Variants in SMC1B observed in about 807,000 individuals in gnomAD.
SMC1B encodes the protein structural maintenance of chromosomes 1B.
A neutral mutation model predicts 157.9 loss-of-function variants in SMC1B; 60 were observed. The observed-to-expected ratio is 0.38, with a 90% CI of 0.31 to 0.47. SMC1B has a LOEUF of 0.47. Ranked by LOEUF, SMC1B falls within the 20% of genes least tolerant of loss-of-function variation. The probability of loss-of-function intolerance (pLI) is 0.99; values close to 1 mark genes in which losing one functional copy is unlikely to be tolerated. For missense variants in SMC1B, 1,165 were observed against 1,426.2 expected, an observed-to-expected ratio of 0.82 and a Z score of 2.95; for synonymous variants, 445 against 483.0, an observed-to-expected ratio of 0.92 and a Z score of 1.03.
chr22:45,412,647 C>T (rs2087357121), intron 1 of SMC1B, among the ~76,000 whole-genome samples: 1 of 151,934 alleles, frequency 6.6e-6, no homozygotes, highest in East Asian at 1.9e-4. Flanking sequence ...GTTGGGATTA[C>T]AGGCGTGTGC....
intron 15 of SMC1B, 117 bp downstream of exon 15, chr22:45,369,837 C>T: frequency 1.5e-6 from 1 of 660,510 alleles, no homozygotes; most frequent in Non-Finnish European, 2.5e-6. Flanking sequence ...AGCCACCGTG[C>T]CCGGCCTAGC....
intron 6 of SMC1B, 77 bp downstream of exon 6, chr22:45,399,018 T>G: frequency 1.4e-6 from 2 of 1,392,906 alleles, no homozygotes; most frequent in South Asian, 2.7e-5. Flanking sequence ...AGAGAGGTCA[T>G]CTTTTAAATT....
At chr22:45,404,020 CA>C (rs2087228372) in intron 4 of SMC1B, among the ~76,000 whole-genome samples, 1 of 152,186 alleles carries the variant, frequency 6.6e-6, no homozygotes, top group South Asian at 2.1e-4. Flanking sequence ...CGGCTCACTG[CA>C]ACCTCTGCCT....
intron 4 of SMC1B, among the ~76,000 whole-genome samples, chr22:45,405,525 C>T (rs1448222359): frequency 6.6e-6 from 1 of 151,078 alleles, no homozygotes; most frequent in Non-Finnish European, 1.5e-5. Context: ...GCACTCCAGC[C>T]TGGGGAAAAA....
At chr22:45,359,556 C>T (rs2086701058) in intron 18 of SMC1B, among the ~76,000 whole-genome samples, 1 of 152,152 alleles carries the variant, frequency 6.6e-6, no homozygotes, top group Admixed American at 6.5e-5. Context: ...GCTCATTGTG[C>T]AAAAACATTC....
chr22:45,403,679 G>A (rs1014190254), intron 4 of SMC1B, among the ~76,000 whole-genome samples: 2 of 152,066 alleles, frequency 1.3e-5, no homozygotes, highest in African/African-American at 4.8e-5. Context: ...GGCTAGTCTC[G>A]AACTCCTGGG....
Position 45,352,482 on chromosome 22 carries a change from C to T in SMC1B, c.3394G>A (p.Ala1132Thr). ...ACAGCAAACAGGAGAGCCAAGGCTG[C>T]CACACACTTTTCTCCCCCTGACAAA... is the stretch of plus-strand genomic sequence containing the variant. The part of the protein sequence containing the change: ...DNLSGGEKCV[A>T]ALALLFAVHS... Residue 1132 changes from alanine to threonine, a missense_variant, in exon 22 of 25, where the codon GCA (alanine) becomes ACA (threonine). Physicochemically the swap from Ala to Thr is moderately conservative, Grantham distance 58 (BLOSUM62 0). Transcript: ENST00000357450. The T allele has an allele frequency of 6.2e-7, 1 of 1,613,990 alleles. No individual in the cohort carries two copies. Among genetic ancestry groups the T allele is most frequent in the Non-Finnish European group, 8.5e-7 (1 of 1,179,914 alleles).
chr22:45,409,585 TA>T (rs2087305256), intron 1 of SMC1B, among the ~76,000 whole-genome samples: 2 of 77,430 alleles, frequency 2.6e-5, no homozygotes, highest in Admixed American at 1.3e-4. Context: ...AATAAATAAA[TA>T]AATAAATAAA....
At chr22:45,373,818 T>G (rs1350751124) in intron 12 of SMC1B, among the ~76,000 whole-genome samples, 1 of 152,166 alleles carries the variant, frequency 6.6e-6, no homozygotes, top group East Asian at 1.9e-4. Context: ...GGTAAATGAT[T>G]AAAATAATTA....
At chr22:45,353,921 C>A (rs9614652) in intron 21 of SMC1B, 57 bp downstream of exon 21, 227,716 of 392,884 alleles carry the variant, frequency 0.58, 47,674 homozygotes, top group Non-Finnish European at 0.61. Context: ...AAAAAAAAAA[C>A]AACCACCACC....
chr22:45,364,858 G>A (rs1198652915), intron 15 of SMC1B, among the ~76,000 whole-genome samples: 2 of 99,630 alleles, frequency 2.0e-5, no homozygotes, highest in South Asian at 3.6e-4. Flanking sequence ...TTTTTTTTGA[G>A]ATGGAGTCTC....
chr22:45,371,382 T>C (rs895308464), intron 14 of SMC1B, 89 bp downstream of exon 14: 25 of 1,407,344 alleles, frequency 1.8e-5, no homozygotes, highest in Admixed American at 2.9e-5. Context: ...CTATCAACCT[T>C]TGCTTTAGCA....
chr22:45,384,937 T>C (rs1351081305), intron 11 of SMC1B, among the ~76,000 whole-genome samples: 1 of 152,198 alleles, frequency 6.6e-6, no homozygotes, highest in Non-Finnish European at 1.5e-5. Context: ...AAAAATAATC[T>C]TTTCACAAAT....
chr22:45,390,478 C>T (rs150503118), intron 9 of SMC1B, among the ~76,000 whole-genome samples: 4,073 of 152,036 alleles, frequency 0.027, 105 homozygotes, highest in Non-Finnish European at 0.039. Context: ...GAGGCCGAGG[C>T]GGGCAGATCA....
chr22:45,395,230 G>A (rs745399904), intron 7 of SMC1B, among the ~76,000 whole-genome samples: 2 of 152,188 alleles, frequency 1.3e-5, no homozygotes, highest in Non-Finnish European at 2.9e-5. Flanking sequence ...AATTATAGTA[G>A]AGTGGTTTTG....
chr22:45,368,163 C>A (rs984353248), intron 15 of SMC1B, among the ~76,000 whole-genome samples: 5 of 152,140 alleles, frequency 3.3e-5, no homozygotes, highest in African/African-American at 1.2e-4. Flanking sequence ...TCATAGGTAT[C>A]TTAACTATTC....
At chr22:45,412,782 C>T (rs778713512) in intron 1 of SMC1B, among the ~76,000 whole-genome samples, 10 of 152,154 alleles carry the variant, frequency 6.6e-5, no homozygotes, top group African/African-American at 1.9e-4. Flanking sequence ...TAACCAAAGA[C>T]GGTGTCGCCA....
intron 9 of SMC1B, 128 bp from the exon 10 acceptor site, chr22:45,390,025 AAT>A (rs1448232216): frequency 6.9e-6 from 5 of 727,254 alleles, no homozygotes; most frequent in South Asian, 3.9e-5. Context: ...CATCATAATT[AAT>A]AGAGTTTTAT....
At chr22:45,358,338 T>C (rs1417804412) in intron 19 of SMC1B, among the ~76,000 whole-genome samples, 1 of 152,330 alleles carries the variant, frequency 6.6e-6, no homozygotes, top group East Asian at 1.9e-4. Context: ...CAACTGGCCA[T>C]GAGTCTGGGA....
Sources: gnomAD v4.1 joint callset for allele counts (sites outside exome capture counted in the v4.1 genomes callset) on GRCh38, gnomAD v4.1.1 for gene constraint, MANE v1.5 for transcripts, NCBI Gene and HGNC (gene_info 2026-07-23, HGNC 2026-07-21) for gene names.